Variants in ZNF600 observed in about 807,000 individuals in gnomAD.
The protein encoded by ZNF600 is zinc finger protein KR-ZNF1.
A neutral mutation model predicts 7.3 loss-of-function variants in ZNF600; 4 were observed. That is an observed-to-expected ratio of 0.55 (90% CI 0.27 to 1.25). The LOEUF (loss-of-function observed/expected upper bound fraction) is 1.25, where lower values mean the gene tolerates loss of function less well. Ranked by LOEUF, ZNF600 falls within the 50% of genes most tolerant of loss-of-function variation. ZNF600 has a pLI of 0.12. For synonymous variants in ZNF600, 290 were observed against 308.9 expected, an observed-to-expected ratio of 0.94 and a Z score of 0.64; for missense variants, 911 against 922.1, an observed-to-expected ratio of 0.99 and a Z score of 0.16.
At chr19:52,784,489 C>G (rs2062748704) in intron 1 of ZNF600, among the ~76,000 whole-genome samples, 1 of 152,094 alleles carries the variant, frequency 6.6e-6, no homozygotes, top group African/African-American at 2.4e-5. Context: ...GTCCCACTTC[C>G]TACCCCACCC....
upstream of ZNF600, among the ~76,000 whole-genome samples, chr19:52,791,249 G>A (rs2062790132): frequency 5.3e-5 from 8 of 152,208 alleles, no homozygotes; most frequent in Admixed American, 5.2e-4. Flanking sequence ...CACACCCCAT[G>A]TCCATTGATG....
At chr19:52,791,601 T>A (rs1464873378), upstream of ZNF600, among the ~76,000 whole-genome samples, 1 of 149,610 alleles carries the variant, frequency 6.7e-6, no homozygotes, top group Non-Finnish European at 1.5e-5. Context: ...AAAAAAAGAC[T>A]TCATGTCAGA....
chr19:52,817,295 C>T, the ZNF600 span, among the ~76,000 whole-genome samples: 1 of 152,166 alleles, frequency 6.6e-6, no homozygotes, highest in East Asian at 1.9e-4. Flanking sequence ...TCTCTTGAAC[C>T]CAGGAGGCGG....
chr19:52,796,534 A>G, the ZNF600 span, among the ~76,000 whole-genome samples: 3 of 151,618 alleles, frequency 2.0e-5, no homozygotes, highest in Non-Finnish European at 4.4e-5. Flanking sequence ...TGGCATGATC[A>G]CGGCTCCCTG....
At chr19:52,780,790 A>T (rs1035252022) in intron 1 of ZNF600, 2 of 152,248 alleles carry the variant, frequency 1.3e-5, no homozygotes, top group African/African-American at 4.8e-5. Context: ...TTTCACGTAT[A>T]CATCTAAGTT....
the ZNF600 span, among the ~76,000 whole-genome samples, chr19:52,808,476 C>A: frequency 6.6e-6 from 1 of 151,836 alleles, no homozygotes; most frequent in African/African-American, 2.4e-5. Context: ...TGACAATGTC[C>A]ACAGTAAGAG....
rs188712163 is a variant in ZNF600 at position 52,774,967 on chromosome 19, T to C, written c.64-266A>G. 6.6e-5 allele frequency among the ~76,000 whole-genome samples: 10 copies of C among 152,262 alleles called. No homozygotes were observed. In the East Asian group the frequency reaches 1.2e-3, roughly 18 times the overall value. ...TAAAAAGGAAACACAGGGCCAGGCA[T>C]GGTGGTTCACACCTGTAATCCTAAC... On this transcript the variant is annotated intron_variant, in intron 2 of 3. Coordinates refer to ENST00000648973, the Ensembl canonical transcript of ZNF600.
chr19:52,820,913 G>C, the ZNF600 span, among the ~76,000 whole-genome samples: 1 of 151,728 alleles, frequency 6.6e-6, no homozygotes, highest in Non-Finnish European at 1.5e-5. Flanking sequence ...CCCTCTCTCT[G>C]TCTCCTGATC....
At chr19:52,817,578 T>G in the ZNF600 span, among the ~76,000 whole-genome samples, 2 of 152,094 alleles carry the variant, frequency 1.3e-5, no homozygotes, top group Non-Finnish European at 2.9e-5. Context: ...ACATTAATAC[T>G]TGACTCCCAT....
At chr19:52,789,517 C>T (rs1255267097), upstream of ZNF600, among the ~76,000 whole-genome samples, 2 of 152,194 alleles carry the variant, frequency 1.3e-5, no homozygotes, top group African/African-American at 4.8e-5. Flanking sequence ...GAAATGCCCA[C>T]AGGTGTGGAG....
the ZNF600 span, chr19:52,810,241 G>T: frequency 8.2e-7 from 1 of 1,220,912 alleles, no homozygotes; most frequent in Non-Finnish European, 1.2e-6. Context: ...AGGAATATGA[G>T]TCTACCTCCA....
the ZNF600 span, among the ~76,000 whole-genome samples, chr19:52,802,604 G>C: frequency 6.6e-6 from 1 of 151,584 alleles, no homozygotes; most frequent in South Asian, 2.1e-4. Context: ...TTGAACTTGG[G>C]AGGCAAAGAT....
At chr19:52,800,928 T>C in the ZNF600 span, 30 of 1,614,184 alleles carry the variant, frequency 1.9e-5, no homozygotes, top group African/African-American at 4.0e-5. Flanking sequence ...ACTGAAAACT[T>C]TGTCACATTC....
chr19:52,809,295 A>T, the ZNF600 span, among the ~76,000 whole-genome samples: 1 of 152,210 alleles, frequency 6.6e-6, no homozygotes, highest in South Asian at 2.1e-4. Flanking sequence ...CTCTTTATAC[A>T]GGGAAAAGTT....
the ZNF600 span, among the ~76,000 whole-genome samples, chr19:52,817,699 C>G: frequency 3.3e-5 from 5 of 152,290 alleles, no homozygotes; most frequent in East Asian, 3.9e-4. Context: ...CTCACCCCGT[C>G]TCCATCCATG....
chr19:52,805,002 C>G, the ZNF600 span: 1 of 152,214 alleles, frequency 6.6e-6, no homozygotes, highest in Non-Finnish European at 1.5e-5. Context: ...GGTGCGGTGG[C>G]TCATGCCAGT....
the ZNF600 span, among the ~76,000 whole-genome samples, chr19:52,803,042 T>C: frequency 1.3e-5 from 2 of 151,958 alleles, no homozygotes; most frequent in Non-Finnish European, 2.9e-5. Flanking sequence ...ATTATAGGCA[T>C]GAGCCACCGC....
chr19:52,808,077 G>C, the ZNF600 span: 2 of 1,613,476 alleles, frequency 1.2e-6, no homozygotes, highest in Non-Finnish European at 1.7e-6. Flanking sequence ...CAGGGTCCAG[G>C]CATTTCCACT....
the ZNF600 span, among the ~76,000 whole-genome samples, chr19:52,802,139 T>C: frequency 6.6e-6 from 1 of 152,324 alleles, no homozygotes; most frequent in South Asian, 2.1e-4. Context: ...AACAAGCTGT[T>C]GTAAGGATAA....
Sources: gnomAD v4.1 joint callset for allele counts (sites outside exome capture counted in the v4.1 genomes callset) on GRCh38, gnomAD v4.1.1 for gene constraint, MANE v1.5 for transcripts, NCBI Gene and HGNC (gene_info 2026-07-23, HGNC 2026-07-21) for gene names.